SAMD4A: variants seen among roughly 807,000 people sequenced by gnomAD.
SAMD4A encodes the protein sterile alpha motif domain containing 4A.
A neutral mutation model predicts 81.3 loss-of-function variants in SAMD4A; 33 were observed. The observed-to-expected ratio is 0.41, with a 90% CI of 0.31 to 0.54. The LOEUF (loss-of-function observed/expected upper bound fraction) is 0.54, where lower values mean the gene tolerates loss of function less well. SAMD4A is among the 20% of genes least tolerant of loss of function. The probability of loss-of-function intolerance (pLI) is 0.37; values close to 1 mark genes in which losing one functional copy is unlikely to be tolerated. For synonymous variants in SAMD4A, 389 were observed against 382.1 expected (o/e 1.02, Z -0.21); for missense variants, 854 against 951.1 (o/e 0.90, Z 1.34).
chr14:54,669,113 C>T (rs966076778), intron 2 of SAMD4A, among the ~76,000 whole-genome samples: 3 of 152,236 alleles, frequency 2.0e-5, no homozygotes, highest in African/African-American at 7.2e-5. Context: ...GGCGCAGCCA[C>T]AGGGCTGTGG....
chr14:54,750,703 A>G (rs1195586219), intron 5 of SAMD4A, among the ~76,000 whole-genome samples: 1 of 152,248 alleles, frequency 6.6e-6, no homozygotes, highest in African/African-American at 2.4e-5. Flanking sequence ...CAAGATGGGT[A>G]AAAACACAGG....
intron 4 of SAMD4A, among the ~76,000 whole-genome samples, chr14:54,746,948 C>T (rs1290629925): frequency 6.6e-6 from 1 of 152,222 alleles, no homozygotes; most frequent in African/African-American, 2.4e-5. Flanking sequence ...TCTGCAGAAG[C>T]ATTAGCATTA....
intron 2 of SAMD4A, among the ~76,000 whole-genome samples, chr14:54,589,952 C>G (rs2033729457): frequency 6.6e-6 from 1 of 152,220 alleles, no homozygotes; most frequent in East Asian, 1.9e-4. Flanking sequence ...TGTTTATTAC[C>G]ACATGGCATA....
At chr14:54,784,642 G>A in intron 12 of SAMD4A, 22 bp downstream of exon 12, 1 of 1,594,396 alleles carries the variant, frequency 6.3e-7, no homozygotes, top group South Asian at 1.1e-5. Context: ...CTTCCTGCAT[G>A]TCCCCATGTC....
chr14:54,745,359 G>A (rs1390618806), intron 4 of SAMD4A, among the ~76,000 whole-genome samples: 1 of 152,138 alleles, frequency 6.6e-6, no homozygotes, highest in African/African-American at 2.4e-5. Context: ...TACCCTGAAT[G>A]CCCTCTTGAC....
At chr14:54,785,324 T>A (rs2039108894) in intron 12 of SAMD4A, among the ~76,000 whole-genome samples, 1 of 152,248 alleles carries the variant, frequency 6.6e-6, no homozygotes, top group African/African-American at 2.4e-5. Context: ...CTGGAAGCCA[T>A]GCTTGGTCAC....
At position 54,744,578 on chromosome 14, in the gene SAMD4A, G is replaced by A. The variant is rs979430514; in HGVS notation, c.980-4237G>A. 3.3e-5 allele frequency among the ~76,000 whole-genome samples: 5 copies of A among 152,166 alleles called. 1 individual carries two copies. The highest frequency in any genetic ancestry group is 2.6e-4 in the Admixed American group (4 of 15,282). On this transcript the variant is annotated intron_variant, in intron 4 of 12. Coordinates refer to ENST00000554335, the MANE Select transcript of SAMD4A (RefSeq NM_015589.6). ...TAAATCAGTGTGGACTTGCAGCAAG[G>A]TCTAGGAGCTTTCTGAAGGATGAAG...
chr14:54,752,534 A>C (rs966871361), intron 6 of SAMD4A, among the ~76,000 whole-genome samples: 2 of 152,236 alleles, frequency 1.3e-5, no homozygotes, highest in Non-Finnish European at 2.9e-5. Flanking sequence ...TTTTGTGAGC[A>C]CATCAACATT....
chr14:54,778,642 T>C (rs759493933), intron 11 of SAMD4A, among the ~76,000 whole-genome samples: 1 of 152,190 alleles, frequency 6.6e-6, no homozygotes, highest in East Asian at 1.9e-4. Flanking sequence ...CTCTCAAGTA[T>C]TACAAACCCA....
At chr14:54,661,336 A>T (rs1309614172) in intron 2 of SAMD4A, among the ~76,000 whole-genome samples, 1 of 152,244 alleles carries the variant, frequency 6.6e-6, no homozygotes, top group African/African-American at 2.4e-5. Flanking sequence ...TGGATTCTAT[A>T]GATTTCTTTG....
chr14:54,760,389 G>C lies in SAMD4A; in HGVS notation c.1405G>C (p.Gly469Arg). 1.3e-6 allele frequency: 2 copies of C among 1,509,664 alleles called. No homozygotes were observed. Among genetic ancestry groups the C allele is most frequent in the South Asian group, 2.6e-5 (2 of 78,218 alleles). 93.5% of individuals were successfully genotyped at this position (1,509,664 alleles called of 1,614,324 possible). A position where few individuals can be genotyped will look rare whatever the true frequency, so the allele number is the denominator to read the frequency against. ...ATATPSAGAS[G>R]GLQPHQLSSC... The stretch of plus-strand genomic sequence containing the variant: ...GGCCACCCCCTCGGCCGGGGCCAGC[G>C]GGGGGCTCCAGCCGCACCAGCTGAG... The change falls in exon 7 of 13, where the codon GGG becomes CGG. Residue 469 changes from glycine to arginine, a missense_variant. Coordinates refer to ENST00000554335, the MANE Select transcript of SAMD4A (RefSeq NM_015589.6).
intron 2 of SAMD4A, among the ~76,000 whole-genome samples, chr14:54,641,847 G>A (rs2035181468): frequency 6.6e-6 from 1 of 152,136 alleles, no homozygotes; most frequent in Non-Finnish European, 1.5e-5. Flanking sequence ...ACCCAGGCTT[G>A]AGTACAGTGG....
intron 2 of SAMD4A, among the ~76,000 whole-genome samples, chr14:54,679,714 C>G (rs1413193150): frequency 6.6e-6 from 1 of 152,104 alleles, no homozygotes; most frequent in African/African-American, 2.4e-5. Flanking sequence ...AACTGAGGCA[C>G]AAGAGATTAC....
At chr14:54,736,658 T>C (rs1170125514) in intron 3 of SAMD4A, among the ~76,000 whole-genome samples, 3 of 152,232 alleles carry the variant, frequency 2.0e-5, no homozygotes, top group African/African-American at 7.2e-5. Flanking sequence ...CAGTACATGT[T>C]CTTTTTGCTT....
intron 2 of SAMD4A, among the ~76,000 whole-genome samples, chr14:54,658,265 C>A (rs531647311): frequency 6.6e-6 from 1 of 152,270 alleles, no homozygotes; most frequent in Admixed American, 6.5e-5. Flanking sequence ...GAGCCAAGAT[C>A]GTGCCAGCAC....
At chr14:54,568,151 C>G in intron 2 of SAMD4A, 39 bp downstream of exon 2, 1 of 1,431,790 alleles carries the variant, frequency 7.0e-7, no homozygotes, top group Non-Finnish European at 9.1e-7. Context: ...CCCGCCTGCC[C>G]AACCCCCGCT....
At chr14:54,702,610 T>C (rs1313849551) in intron 3 of SAMD4A, 30 bp downstream of exon 3, 1 of 1,607,572 alleles carries the variant, frequency 6.2e-7, no homozygotes, top group African/African-American at 1.3e-5. Context: ...TTTAACGTAG[T>C]CTGGTTTGGC....
chr14:54,603,826 GTTTATTTA>G (rs952528325), intron 2 of SAMD4A, among the ~76,000 whole-genome samples: 5 of 150,018 alleles, frequency 3.3e-5, no homozygotes, highest in East Asian at 1.9e-4. Flanking sequence ...TTGTTTATTT[GTTTATTTA>G]TTTATTTTGA....
chr14:54,775,003 C>G lies in SAMD4A; in HGVS notation c.1785C>G (p.Asn595Lys). 1 of 1,614,184 alleles carries G rather than the reference C, an allele frequency of 6.2e-7. No individual in the cohort carries two copies. The highest frequency in any genetic ancestry group is 8.5e-7 in the Non-Finnish European group (1 of 1,180,034). Residue 595 changes from asparagine to lysine, a missense_variant, in exon 10 of 13, where the codon AAC (asparagine) becomes AAG (lysine). Asn to Lys is a moderately conservative substitution (Grantham distance 94). Around this residue, in one of 3 missense-constraint regions of SAMD4A, gnomAD observed 428 missense variants for 471.2 expected, o/e 0.91. Coordinates refer to ENST00000554335, the MANE Select transcript of SAMD4A (RefSeq NM_015589.6). Reference protein sequence around the residue: ...GSVGGGMGRRNPRQYQIPSRN... With the variant: ...GSVGGGMGRRKPRQYQIPSRN... The stretch of plus-strand genomic sequence containing the variant: ...TGGGCGGTGGCATGGGCAGACGGAA[C>G]CCGCGCCAGTACCAGATCCCCTCTC...
Sources: gnomAD v4.1 joint callset for allele counts (sites outside exome capture counted in the v4.1 genomes callset) on GRCh38, gnomAD v4.1.1 for gene constraint, gnomAD v4.1.1 regional missense constraint, MANE v1.5 for transcripts, NCBI Gene and HGNC (gene_info 2026-07-23, HGNC 2026-07-21) for gene names.